The following PNPLA7 variants were observed in gnomAD, a reference collection of about 807,000 sequenced individuals.
PNPLA7 encodes patatin-like phospholipase domain-containing protein 7.
In PNPLA7, 153 loss-of-function variants were observed where a neutral mutation model predicts 161.7. That is an observed-to-expected ratio of 0.95 (90% CI 0.83 to 1.08). PNPLA7 has a LOEUF of 1.08. Ranked by LOEUF, PNPLA7 falls within the 50% of genes least tolerant of loss-of-function variation. PNPLA7 has a pLI of 0.00. For missense variants in PNPLA7, 1,739 were observed against 1,856.6 expected (o/e 0.94, Z 1.16); for synonymous variants, 809 against 782.1 (o/e 1.03, Z -0.57).
chr9:137,464,423 G>A lies in PNPLA7; in HGVS notation c.3073C>T (p.Leu1025Phe). Residue 1025 changes from leucine (L) to phenylalanine (F), a missense_variant, in exon 27 of 35, where the codon CTC becomes TTC. By Grantham distance (22) the Leu-to-Phe change is conservative. Transcript: ENST00000406427. ...MTSLMKAALD[L>F]TYPITSMFSG... ...AACATGGACGTGATGGGGTAGGTGA[G>A]GTCCAGCGCGGCCTTCATCAAGGAC... 1 of 1,613,952 alleles carries A rather than the reference G, an allele frequency of 6.2e-7. No individual in the cohort carries two copies. The highest frequency in any genetic ancestry group is 1.1e-5 in the South Asian group (1 of 91,086).
Position 137,523,003 on chromosome 9 carries a change from G to T in PNPLA7, c.748-146C>A. 1.7e-6 allele frequency: 2 copies of T among 1,189,746 alleles called. No individual in the cohort carries two copies. The highest frequency in any genetic ancestry group is 1.2e-6 in the Non-Finnish European group (1 of 851,270). The allele number at this position is 1,189,746 out of a possible 1,614,324, so 73.7% of individuals were successfully genotyped here. A position where few individuals can be genotyped will look rare whatever the true frequency, so the allele number is the denominator to read the frequency against. On this transcript the variant is annotated intron_variant, in intron 8 of 34. Transcript: ENST00000406427. This position sits in a 1 kb window ranked among gnomAD's most constrained non-coding sequence, Gnocchi z 4.4. ...TCCCTCCCAGGCTGGGCTGTGCAAA[G>T]TGCTGCTTTTGGCACCAGCTGCACA... is the stretch of plus-strand genomic sequence containing the variant.
In PNPLA7 at chr9:137,468,538, GGAC is replaced by G. The variant is rs1010777382; in HGVS notation, c.2883-1068_2883-1066del. Among the ~76,000 whole-genome samples the G allele has an allele frequency of 6.6e-5, 10 of 152,124 alleles. No individual in the cohort carries two copies. The highest frequency in any genetic ancestry group is 2.2e-4 in the African/African-American group (9 of 41,406). On this transcript the variant is annotated intron_variant, in intron 25 of 34. Coordinates refer to ENST00000406427, the MANE Select transcript of PNPLA7 (RefSeq NM_001098537.3). This position sits in a 1 kb window ranked among gnomAD's most constrained non-coding sequence, Gnocchi z 4.0. Reference sequence around the variant, plus strand: ...CTCGGATGCAAGCCACAGCTGGGGGGGACCCTGGAGGCATTTGCTGTGGTTTAG... The same window carrying G: ...CTCGGATGCAAGCCACAGCTGGGGGGCCTGGAGGCATTTGCTGTGGTTTAG...
At position 137,467,338 on chromosome 9, in the gene PNPLA7, G is replaced by T. The variant is rs748593936; in HGVS notation, c.3018C>A (p.Ile1006=). Residue 1006 remains isoleucine (I), a synonymous_variant, in exon 26 of 35, where the codon ATC becomes ATA. Transcript: ENST00000406427. The surrounding 1 kb of genome is among the most constrained non-coding windows in gnomAD (Gnocchi z 5.1). The part of the protein sequence containing the change: ...SEERNYSQMR[I]RAKQWAEGMT... ...TTACCTCGGCCCACTGCTTGGCCCG[G>T]ATCCGCATCTGGCTGTAGTTCCGCT... 6.2e-7 allele frequency: 1 copy of T among 1,613,556 alleles called. No homozygotes were observed. Among genetic ancestry groups the T allele is most frequent in the South Asian group, 1.1e-5 (1 of 91,072 alleles).
In PNPLA7 at chr9:137,467,669, G is replaced by C. The variant is rs1201549703; in HGVS notation, c.2883-196C>G. Among the ~76,000 whole-genome samples, 1 of 152,326 alleles carries C rather than the reference G, an allele frequency of 6.6e-6. No homozygotes were observed. Among genetic ancestry groups the C allele is most frequent in the Admixed American group, 6.5e-5 (1 of 15,304 alleles). On this transcript the variant is annotated intron_variant, in intron 25 of 34. Coordinates refer to ENST00000406427, the MANE Select transcript of PNPLA7 (RefSeq NM_001098537.3). This position sits in a 1 kb window ranked among gnomAD's most constrained non-coding sequence, Gnocchi z 5.1. ...TCTCAGCACTTTGGGAGGCCAAGGC[G>C]GGCAGATCACTTGAGGCCAGGAGTT...
chr9:137,475,401 G>C (rs1388608089), intron 25 of PNPLA7, among the ~76,000 whole-genome samples: 1 of 152,180 alleles, frequency 6.6e-6, no homozygotes, highest in Non-Finnish European at 1.5e-5. Context: ...TTGAGATGGA[G>C]TCTTGCTCTG....
rs1034499269 is a variant in PNPLA7 at position 137,468,998 on chromosome 9, C to T, written c.2883-1525G>A. On this transcript the variant is annotated intron_variant, in intron 25 of 34. Transcript: ENST00000406427. This position sits in a 1 kb window ranked among gnomAD's most constrained non-coding sequence, Gnocchi z 4.0. The stretch of plus-strand genomic sequence containing the variant: ...GGTGGAGGTTGCAGTGAGCCAAGAT[C>T]GCACCATTGCACTCCAGCCTGGGCA... Among the ~76,000 whole-genome samples, 10 of 152,130 alleles carry T rather than the reference C, an allele frequency of 6.6e-5. No homozygotes were observed. Among genetic ancestry groups the T allele is most frequent in the East Asian group, 3.9e-4 (2 of 5,188 alleles).
intron 29 of PNPLA7, 56 bp from the exon 30 acceptor site, chr9:137,462,889 G>A (rs1176367742): frequency 2.2e-5 from 35 of 1,599,992 alleles, no homozygotes; most frequent in Admixed American, 5.0e-5. Context: ...GCCAGGGGAC[G>A]GGGGCAGAGC....
intron 14 of PNPLA7, among the ~76,000 whole-genome samples, 181 bp downstream of exon 14, chr9:137,505,433 C>T (rs1443375483): frequency 3.3e-5 from 5 of 152,156 alleles, no homozygotes; most frequent in African/African-American, 4.8e-5. Flanking sequence ...GAACATAAGG[C>T]GATCTCAAGC....
At position 137,523,583 on chromosome 9, in the gene PNPLA7, G is replaced by A. The variant is rs1010069159; in HGVS notation, c.748-726C>T. 3.9e-5 allele frequency among the ~76,000 whole-genome samples: 6 copies of A among 151,990 alleles called. No individual in the cohort carries two copies. Among genetic ancestry groups the A allele is most frequent in the Admixed American group, 6.6e-5 (1 of 15,264 alleles). ...CTGGAAACTTGTTGGCTCTAGAGAC[G>A]AAAGGCTGTTGTTTACACCATGCCG... On this transcript the variant is annotated intron_variant, in intron 8 of 34. Transcript: ENST00000406427. This position sits in a 1 kb window ranked among gnomAD's most constrained non-coding sequence, Gnocchi z 4.4.
At chr9:137,497,046 G>T (rs1213876196) in intron 18 of PNPLA7, 141 bp downstream of exon 18, 2 of 1,143,574 alleles carry the variant, frequency 1.7e-6, no homozygotes, top group East Asian at 3.2e-5. Context: ...ACAGCAAAGC[G>T]GCTGCGGGGC....
At position 137,490,737 on chromosome 9, in the gene PNPLA7, G is replaced by GCGCT. The variant is rs1001899985; in HGVS notation, c.2197+2275_2197+2276insAGCG. 6.6e-6 allele frequency among the ~76,000 whole-genome samples: 1 copy of GCGCT among 152,208 alleles called. No individual in the cohort carries two copies. The highest frequency in any genetic ancestry group is 6.5e-5 in the Admixed American group (1 of 15,282). ...CTGAGATGCCGCAAATGAAAGAAGAGCAGGAGGACGGTGACCCTGGGTGAA... is the reference window on the plus strand; with the variant it reads ...CTGAGATGCCGCAAATGAAAGAAGAGCGCTCAGGAGGACGGTGACCCTGGGTGAA... On this transcript the variant is annotated intron_variant, in intron 20 of 34. Coordinates refer to ENST00000406427, the MANE Select transcript of PNPLA7 (RefSeq NM_001098537.3). This position sits in a 1 kb window ranked among gnomAD's most constrained non-coding sequence, Gnocchi z 4.1.
chr9:137,538,479 A>G (rs555472173), intron 8 of PNPLA7, among the ~76,000 whole-genome samples: 13 of 152,332 alleles, frequency 8.5e-5, no homozygotes, highest in Admixed American at 2.0e-4. Context: ...GGTTTCATGC[A>G]AGGACCTAGC....
At position 137,537,947 on chromosome 9, in the gene PNPLA7, G is replaced by A. The variant is rs576355227; in HGVS notation, c.747+2695C>T. Among the ~76,000 whole-genome samples the A allele has an allele frequency of 1.6e-4, 24 of 152,302 alleles. No homozygotes were observed. Among genetic ancestry groups the A allele is most frequent in the South Asian group, 1.0e-3 (5 of 4,828 alleles). On this transcript the variant is annotated intron_variant, in intron 8 of 34. Transcript: ENST00000406427. This position sits in a 1 kb window ranked among gnomAD's most constrained non-coding sequence, Gnocchi z 4.5. ...GATGCCCCGTGCTGAACGGGTTTAC[G>A]TCCACGTAGACCAAAGCTCCTGTGG...
chr9:137,536,215 A>C (rs1214415993), intron 8 of PNPLA7, among the ~76,000 whole-genome samples: 1 of 152,064 alleles, frequency 6.6e-6, no homozygotes, highest in East Asian at 1.9e-4. Context: ...GAATAAAGAC[A>C]ATTCTAGATT....
chr9:137,492,798 C>T (rs1356305068), intron 20 of PNPLA7, among the ~76,000 whole-genome samples: 1 of 138,282 alleles, frequency 7.2e-6, no homozygotes, highest in East Asian at 2.2e-4. Flanking sequence ...GTGGGCAGGG[C>T]CATGGGCTGG....
Position 137,462,052 on chromosome 9 carries a change from C to A in PNPLA7, c.3646-11G>T. The A allele has an allele frequency of 1.3e-6, 2 of 1,568,942 alleles. No homozygotes were observed. The highest frequency in any genetic ancestry group is 1.7e-6 in the Non-Finnish European group (2 of 1,156,602). ...CTGGTAGCCCACTTCCTGTGCACAC[C>A]CCCAGGGCCCCGTCAGGAGGTGTGG... On this transcript the variant is annotated splice_polypyrimidine_tract_variant and intron_variant, in intron 31 of 34. Coordinates refer to ENST00000406427, the MANE Select transcript of PNPLA7 (RefSeq NM_001098537.3).
chr9:137,462,125 C>T lies in PNPLA7; in HGVS notation c.3645+54G>A. 8.5e-6 allele frequency: 13 copies of T among 1,525,116 alleles called. 1 individual carries two copies. The Middle Eastern group carries it at 5.2e-4, about 61-fold the overall frequency. The allele number at this position is 1,525,116 out of a possible 1,614,324, so 94.5% of individuals were successfully genotyped here. A position where few individuals can be genotyped will look rare whatever the true frequency, so the allele number is the denominator to read the frequency against. ...CTCAAAAGGGGGAAGCGAGGAGGGG[C>T]AGCCACCAGAGTGCCTCCGCCCGCC... On this transcript the variant is annotated intron_variant, in intron 31 of 34. Transcript: ENST00000406427.
chr9:137,527,778 T>C (rs1043246934), intron 8 of PNPLA7, among the ~76,000 whole-genome samples: 2 of 152,244 alleles, frequency 1.3e-5, no homozygotes, highest in South Asian at 2.1e-4. Context: ...AACTGGGAAA[T>C]AGTCCCTCTT....
In PNPLA7 at chr9:137,490,815, G is replaced by A. The variant is rs1832726307; in HGVS notation, c.2197+2198C>T. Among the ~76,000 whole-genome samples the A allele has an allele frequency of 6.6e-6, 1 of 152,222 alleles. No homozygotes were observed. Among genetic ancestry groups the A allele is most frequent in the Non-Finnish European group, 1.5e-5 (1 of 68,038 alleles). ...AAAATCATGTTTGATGGCTGAAAGC[G>A]AAAGTTGTAGCCCTGTGTTTTTGGG... On this transcript the variant is annotated intron_variant, in intron 20 of 34. Coordinates refer to ENST00000406427, the MANE Select transcript of PNPLA7 (RefSeq NM_001098537.3). The surrounding 1 kb of genome is among the most constrained non-coding windows in gnomAD (Gnocchi z 4.1).
Sources: allele counts gnomAD v4.1 joint callset (sites outside exome capture counted in the v4.1 genomes callset), GRCh38; gene constraint gnomAD v4.1.1; non-coding constraint Gnocchi (gnomAD v3.1); transcripts MANE v1.5; gene names NCBI Gene and HGNC (gene_info 2026-07-23, HGNC 2026-07-21).